The following SLC25A21 variants were observed in gnomAD, a reference collection of about 807,000 sequenced individuals.
The protein encoded by SLC25A21 is mitochondrial 2-oxodicarboxylate carrier.
A neutral mutation model predicts 43.8 loss-of-function variants in SLC25A21; 47 were observed. The observed-to-expected ratio is 1.07, with a 90% CI of 0.85 to 1.37. The LOEUF is 1.37. Among genes scored for constraint, SLC25A21 ranks in the 40% most tolerant of loss-of-function variants. The pLI is 0.00. For missense variants in SLC25A21, 352 were observed against 350.2 expected, an observed-to-expected ratio of 1.00 and a Z score of -0.04; for synonymous variants, 131 against 121.3, an observed-to-expected ratio of 1.08 and a Z score of -0.52.
chr14:36,856,890 T>A (rs1889915938), intron 2 of SLC25A21, among the ~76,000 whole-genome samples: 1 of 152,194 alleles, frequency 6.6e-6, no homozygotes. Context: ...TCTGGCTTGC[T>A]TTCTTTTCAT....
At chr14:36,948,078 C>T (rs1313132164) in intron 1 of SLC25A21, among the ~76,000 whole-genome samples, 2 of 152,092 alleles carry the variant, frequency 1.3e-5, no homozygotes, top group African/African-American at 4.8e-5. Context: ...CTGATAGAAG[C>T]GTGCACACAT....
chr14:37,157,319 G>C (rs1451848158), intron 1 of SLC25A21, among the ~76,000 whole-genome samples: 1 of 151,976 alleles, frequency 6.6e-6, no homozygotes, highest in Non-Finnish European at 1.5e-5. Context: ...CCAAGATAGT[G>C]CCACTGCACT....
intron 6 of SLC25A21, among the ~76,000 whole-genome samples, chr14:36,724,654 C>T (rs2139210804): frequency 1.3e-5 from 2 of 152,300 alleles, no homozygotes; most frequent in African/African-American, 4.8e-5. Flanking sequence ...TCTTAGGTAA[C>T]TGGAAGGAAG....
chr14:37,108,276 C>T (rs1268363938), intron 1 of SLC25A21, among the ~76,000 whole-genome samples: 10 of 152,162 alleles, frequency 6.6e-5, no homozygotes, highest in Non-Finnish European at 1.0e-4. Flanking sequence ...TTTACATTTG[C>T]TAATGAATTC....
At chr14:36,817,470 C>T (rs1393655983) in intron 2 of SLC25A21, among the ~76,000 whole-genome samples, 1 of 152,132 alleles carries the variant, frequency 6.6e-6, no homozygotes, top group Non-Finnish European at 1.5e-5. Context: ...GCGAACACCA[C>T]AGCCGCCTAC....
At chr14:36,849,009 C>T (rs545425792) in intron 2 of SLC25A21, among the ~76,000 whole-genome samples, 2 of 152,254 alleles carry the variant, frequency 1.3e-5, no homozygotes, top group Admixed American at 6.5e-5. Flanking sequence ...TCTCTTAATT[C>T]TGTGTTGTCC....
chr14:36,823,515 C>T (rs1888710283), intron 2 of SLC25A21, among the ~76,000 whole-genome samples: 1 of 152,102 alleles, frequency 6.6e-6, no homozygotes, highest in African/African-American at 2.4e-5. Flanking sequence ...CATTGTCCCA[C>T]CTGCACTGAC....
chr14:37,077,943 A>T (rs914258029), intron 1 of SLC25A21, among the ~76,000 whole-genome samples: 2 of 152,124 alleles, frequency 1.3e-5, no homozygotes, highest in African/African-American at 2.4e-5. Flanking sequence ...CATTTTAAAA[A>T]TTTTTTTAAA....
At chr14:36,984,125 A>T (rs1305828561) in intron 1 of SLC25A21, among the ~76,000 whole-genome samples, 1 of 152,182 alleles carries the variant, frequency 6.6e-6, no homozygotes, top group Non-Finnish European at 1.5e-5. Context: ...TATCCCCCTG[A>T]ATCTAAAGTA....
chr14:37,114,121 CG>C (rs1963066958), intron 1 of SLC25A21, among the ~76,000 whole-genome samples: 1 of 152,110 alleles, frequency 6.6e-6, no homozygotes. Context: ...TTTCCTCCTA[CG>C]CACCATAATA....
intron 1 of SLC25A21, among the ~76,000 whole-genome samples, chr14:36,999,545 C>T (rs1268385077): frequency 3.9e-5 from 6 of 152,074 alleles, no homozygotes; most frequent in Admixed American, 3.9e-4. Flanking sequence ...GTAGGTTCAT[C>T]AATTGTAACA....
chr14:36,840,376 T>C (rs1889347993), intron 2 of SLC25A21, among the ~76,000 whole-genome samples: 1 of 152,212 alleles, frequency 6.6e-6, no homozygotes, highest in Admixed American at 6.5e-5. Flanking sequence ...TCCTTATCTT[T>C]TGAATGAATT....
chr14:37,152,237 A>G (rs1963771017), intron 1 of SLC25A21, among the ~76,000 whole-genome samples: 1 of 152,184 alleles, frequency 6.6e-6, no homozygotes, highest in African/African-American at 2.4e-5. Context: ...TCTAAAGATG[A>G]CAAAAAGAAT....
At chr14:37,150,738 C>G (rs991292459) in intron 1 of SLC25A21, among the ~76,000 whole-genome samples, 2 of 152,148 alleles carry the variant, frequency 1.3e-5, no homozygotes, top group African/African-American at 4.8e-5. Flanking sequence ...TAAATGTCCA[C>G]TGTGATAAAC....
intron 1 of SLC25A21, among the ~76,000 whole-genome samples, chr14:37,107,490 A>T (rs2138872531): frequency 6.6e-6 from 1 of 152,262 alleles, no homozygotes; most frequent in Non-Finnish European, 1.5e-5. Flanking sequence ...GCCAAAAAAT[A>T]TCTTCTTAGC....
intron 2 of SLC25A21, among the ~76,000 whole-genome samples, chr14:36,816,703 C>T (rs1240863609): frequency 1.3e-5 from 2 of 152,006 alleles, no homozygotes; most frequent in Non-Finnish European, 2.9e-5. Flanking sequence ...GGCGTCTCCC[C>T]TTCTTGCCCA....
intron 1 of SLC25A21, among the ~76,000 whole-genome samples, chr14:37,035,166 T>C (rs991503785): frequency 2.0e-5 from 3 of 152,236 alleles, no homozygotes; most frequent in African/African-American, 4.8e-5. Flanking sequence ...AAATTAGCTA[T>C]GGTTCTGTTT....
intron 3 of SLC25A21, among the ~76,000 whole-genome samples, chr14:36,770,735 C>T (rs1251503344): frequency 6.6e-6 from 1 of 152,118 alleles, no homozygotes; most frequent in African/African-American, 2.4e-5. Flanking sequence ...TTATGTCTTT[C>T]TTACTTAGGT....
chr14:36,695,308 C>T (rs1339735023), intron 7 of SLC25A21, among the ~76,000 whole-genome samples: 1 of 152,194 alleles, frequency 6.6e-6, no homozygotes, highest in Non-Finnish European at 1.5e-5. Context: ...GTTTGGGTTA[C>T]TGTAGCCTTG....
Sources: allele counts gnomAD v4.1 joint callset (sites outside exome capture counted in the v4.1 genomes callset), GRCh38; gene constraint gnomAD v4.1.1; transcripts MANE v1.5; gene names NCBI Gene and HGNC (gene_info 2026-07-23, HGNC 2026-07-21).